Variants in CREB5 observed in about 807,000 individuals in gnomAD.
CREB5 encodes cyclic AMP-responsive element-binding protein 5.
Under a neutral mutation model 57.1 loss-of-function variants are expected in CREB5, and 19 were observed. The observed-to-expected ratio is 0.33, with a 90% confidence interval of 0.23 to 0.49. The LOEUF (loss-of-function observed/expected upper bound fraction) is 0.49. CREB5 is among the 20% of genes least tolerant of loss of function. CREB5 has a pLI of 0.99. For missense variants in CREB5, 579 were observed against 671.6 expected (o/e 0.86, Z 1.52); for synonymous variants, 238 against 238.3 (o/e 1.00, Z 0.01).
At chr7:28,491,982 G>GT (rs1400742314) in intron 2 of CREB5, among the ~76,000 whole-genome samples, 2 of 152,014 alleles carry the variant, frequency 1.3e-5, no homozygotes, top group African/African-American at 2.4e-5. Context: ...TACGTGGGAG[G>GT]TTTTTTTGTT....
chr7:28,693,679 T>C (rs1801392286), intron 5 of CREB5, among the ~76,000 whole-genome samples: 1 of 152,236 alleles, frequency 6.6e-6, no homozygotes, highest in Admixed American at 6.5e-5. Context: ...TGCCATTTGC[T>C]AATTATGTGA....
Position 28,818,167 on chromosome 7 carries a change from CA to C in CREB5, c.1353del (p.Gly452AspfsTer3). On this transcript the variant is annotated frameshift_variant, in exon 10 of 11. Coordinates refer to ENST00000357727, the MANE Select transcript of CREB5 (RefSeq NM_182898.4). LOFTEE classifies it high-confidence loss of function. ...AATAACAGCCATGCAGAAAGAATCA[CA>C]AGGATATCTAAGTAAGTCGCCGACT... is the stretch of plus-strand genomic sequence containing the variant. The part of the protein sequence containing the change: ...CPITAMQKES[Q>X]GYLSPESSPP... 1 of 1,611,388 alleles carries C rather than the reference CA, an allele frequency of 6.2e-7. No homozygotes were observed. Among genetic ancestry groups the C allele is most frequent in the East Asian group, 2.2e-5 (1 of 44,854 alleles).
chr7:28,717,658 A>T (rs1802776009), intron 5 of CREB5, among the ~76,000 whole-genome samples: 1 of 152,116 alleles, frequency 6.6e-6, no homozygotes, highest in Non-Finnish European at 1.5e-5. Context: ...ACTTAGCACG[A>T]GGGAGCCTCT....
chr7:28,714,732 C>T (rs912730388), intron 5 of CREB5, among the ~76,000 whole-genome samples: 3 of 152,216 alleles, frequency 2.0e-5, no homozygotes, highest in Non-Finnish European at 4.4e-5. Context: ...TATGTTTATA[C>T]AAGTGTAGAA....
chr7:28,531,552 G>A (rs528643394), intron 4 of CREB5, among the ~76,000 whole-genome samples: 2 of 152,280 alleles, frequency 1.3e-5, no homozygotes, highest in South Asian at 2.1e-4. Flanking sequence ...AATTACATCT[G>A]TGATGACCCT....
intron 4 of CREB5, among the ~76,000 whole-genome samples, chr7:28,512,644 TAA>T (rs1489613103): frequency 8.8e-6 from 1 of 113,686 alleles, no homozygotes; most frequent in East Asian, 2.3e-4. Context: ...TATCATATAA[TAA>T]CTGTGTGTGT....
chr7:28,436,119 A>T (rs367800944), intron 1 of CREB5, among the ~76,000 whole-genome samples: 1 of 151,150 alleles, frequency 6.6e-6, no homozygotes, highest in African/African-American at 2.4e-5. Flanking sequence ...CACAAAGTGA[A>T]TTTTTTTTTG....
intron 10 of CREB5, among the ~76,000 whole-genome samples, 172 bp from the exon 11 acceptor site, chr7:28,818,944 G>C (rs559715215): frequency 6.6e-6 from 1 of 152,144 alleles, no homozygotes; most frequent in Admixed American, 6.5e-5. Context: ...ATAGCATTGT[G>C]ACAACAGTTG....
chr7:28,625,667 G>A (rs1797973375), intron 5 of CREB5, among the ~76,000 whole-genome samples: 1 of 152,128 alleles, frequency 6.6e-6, no homozygotes, highest in African/African-American at 2.4e-5. Flanking sequence ...AAAAAGTTAT[G>A]TGTGCTAGGA....
At chr7:28,427,914 T>C (rs971143133) in intron 1 of CREB5, among the ~76,000 whole-genome samples, 28 of 152,192 alleles carry the variant, frequency 1.8e-4, no homozygotes, top group Admixed American at 1.0e-3. Context: ...TCTAAGGATA[T>C]GGCAGTGAAC....
At chr7:28,570,577 A>T in intron 5 of CREB5, 40 bp downstream of exon 5, 1 of 1,594,502 alleles carries the variant, frequency 6.3e-7, no homozygotes, top group Non-Finnish European at 8.6e-7. Context: ...TCCTGGCTGG[A>T]ACTCAGGAAA....
intron 4 of CREB5, among the ~76,000 whole-genome samples, chr7:28,545,568 T>C (rs1427329737): frequency 6.6e-6 from 1 of 152,240 alleles, no homozygotes; most frequent in Non-Finnish European, 1.5e-5. Flanking sequence ...TAGAAGATCA[T>C]CCACACCTAC....
chr7:28,471,963 G>GT (rs5883136), intron 1 of CREB5, among the ~76,000 whole-genome samples: 152,279 of 152,280 alleles, frequency 1, 76,139 homozygotes, highest in Middle Eastern at 1. Context: ...AATTATTAAA[G>GT]TTTTGACCAA....
chr7:28,345,901 C>A (rs1165934317), intron 1 of CREB5, among the ~76,000 whole-genome samples: 3 of 152,066 alleles, frequency 2.0e-5, no homozygotes, highest in Non-Finnish European at 1.5e-5. Flanking sequence ...AGGGGCTTAT[C>A]CTCAGCAAGA....
intron 4 of CREB5, among the ~76,000 whole-genome samples, chr7:28,547,602 C>G (rs1794468388): frequency 6.6e-6 from 1 of 152,202 alleles, no homozygotes; most frequent in Admixed American, 6.5e-5. Flanking sequence ...CTAATCACAT[C>G]TAAATAATTC....
intron 2 of CREB5, among the ~76,000 whole-genome samples, chr7:28,490,203 A>G (rs929504291): frequency 6.6e-6 from 1 of 152,242 alleles, no homozygotes; most frequent in African/African-American, 2.4e-5. Context: ...CCGTGTCCTC[A>G]CAGAGATTCT....
At chr7:28,484,389 A>G (rs901795352) in intron 1 of CREB5, among the ~76,000 whole-genome samples, 1 of 152,226 alleles carries the variant, frequency 6.6e-6, no homozygotes, top group Admixed American at 6.5e-5. Flanking sequence ...TAAAGCCTAC[A>G]TGGTAGAGAG....
Position 28,443,439 on chromosome 7 carries a change from T to C in CREB5, c.3+30522T>C, listed in dbSNP as rs79727679. On this transcript the variant is annotated intron_variant, in intron 1 of 10. Transcript: ENST00000357727. Reference sequence around the variant, plus strand: ...TCCAGAGGGACACACTAAGTCTGTCTTCTAACTCTGCTGTGCAAACATATT... The same window carrying C: ...TCCAGAGGGACACACTAAGTCTGTCCTCTAACTCTGCTGTGCAAACATATT... Among the ~76,000 whole-genome samples, 269 of 152,332 alleles carry C rather than the reference T, an allele frequency of 1.8e-3. 1 individual carries two copies. The highest frequency in any genetic ancestry group is 6.1e-3 in the African/African-American group (254 of 41,580).
intron 1 of CREB5, among the ~76,000 whole-genome samples, chr7:28,406,276 T>A (rs1787577567): frequency 6.6e-6 from 1 of 152,198 alleles, no homozygotes; most frequent in Non-Finnish European, 1.5e-5. Context: ...TACCTAGTGC[T>A]TCCCCACTGG....
Sources: gnomAD v4.1 joint callset for allele counts (sites outside exome capture counted in the v4.1 genomes callset) on GRCh38, gnomAD v4.1.1 for gene constraint, MANE v1.5 for transcripts, NCBI Gene and HGNC (gene_info 2026-07-23, HGNC 2026-07-21) for gene names.